The following GALNT9 variants were observed in gnomAD, a reference collection of about 807,000 sequenced individuals.
GALNT9 encodes the protein GalNAc transferase 9.
In GALNT9, 47 loss-of-function variants were observed where a neutral mutation model predicts 63.1. The observed-to-expected ratio is 0.75, with a 90% CI of 0.59 to 0.95. The LOEUF (loss-of-function observed/expected upper bound fraction) is 0.95. Among genes scored for constraint, GALNT9 ranks in the 40% least tolerant of loss-of-function variants. The pLI, the probability that GALNT9 is intolerant of heterozygous loss-of-function variation, is 0.00. For missense variants in GALNT9, 829 were observed against 874.8 expected, an observed-to-expected ratio of 0.95 and a Z score of 0.66; for synonymous variants, 396 against 365.7, an observed-to-expected ratio of 1.08 and a Z score of -0.94.
At position 132,257,761 on chromosome 12, in the gene GALNT9, C is replaced by CAGTTG; in HGVS notation, c.882_886dup (p.Trp296SerfsTer31). ...GATGATGTACATGCACCAGAGGCCC[C>CAGTTG]AGTTGTAGCCATGGGCGGCGTTCGC... On this transcript the variant is annotated frameshift_variant, in exon 5 of 11. Transcript: ENST00000328957. LOFTEE classifies it high-confidence loss of function. The CAGTTG allele has an allele frequency of 6.4e-7, 1 of 1,550,558 alleles. No individual in the cohort carries two copies. Among genetic ancestry groups the CAGTTG allele is most frequent in the Non-Finnish European group, 8.7e-7 (1 of 1,146,840 alleles).
At chr12:132,312,058 C>T (rs1881834027) in intron 1 of GALNT9, among the ~76,000 whole-genome samples, 1 of 152,224 alleles carries the variant, frequency 6.6e-6, no homozygotes, top group African/African-American at 2.4e-5. Context: ...CAGCTAATTT[C>T]ATTACAGACT....
chr12:132,314,107 A>G (rs1428335003), intron 1 of GALNT9, among the ~76,000 whole-genome samples: 2 of 51,712 alleles, frequency 3.9e-5, no homozygotes, highest in Admixed American at 5.2e-4. Context: ...CCACCCACCC[A>G]TCCATCCACC....
At chr12:132,268,858 C>T (rs969583329) in intron 2 of GALNT9, among the ~76,000 whole-genome samples, 8 of 152,236 alleles carry the variant, frequency 5.3e-5, no homozygotes, top group African/African-American at 7.2e-5. Flanking sequence ...GAAAGGCTGA[C>T]GTGCAGCCGA....
chr12:132,299,171 C>T (rs1264020998), intron 1 of GALNT9, among the ~76,000 whole-genome samples: 38 of 134,348 alleles, frequency 2.8e-4, no homozygotes, highest in East Asian at 1.3e-3. Flanking sequence ...ACCTAACCCA[C>T]CCCTGAGATA....
intron 6 of GALNT9, among the ~76,000 whole-genome samples, chr12:132,226,144 A>C (rs1593072169): frequency 1.4e-5 from 2 of 141,694 alleles, no homozygotes; most frequent in African/African-American, 2.7e-5. Context: ...GTACATACAC[A>C]CCCCACACAT....
rs554597801 is a variant in GALNT9, at chr12:132,253,381, C to A, written c.959+4308G>T. Among the ~76,000 whole-genome samples the A allele has an allele frequency of 3.7e-3, 560 of 151,980 alleles. 3 individuals are homozygous for A. The highest frequency in any genetic ancestry group is 5.8e-3 in the Non-Finnish European group (392 of 67,954). On this transcript the variant is annotated intron_variant, in intron 5 of 10. Coordinates refer to ENST00000328957, the MANE Select transcript of GALNT9 (RefSeq NM_001122636.2). ...GTCTGCTAAGTAACAGGTGCCTTCC[C>A]AGACACTGGCGTTACCGCTTGACCA...
rs780166221 is a variant in GALNT9, at chr12:132,246,054, C to T, written c.1077+1856G>A. ...GGCCTCGGCTTTCTTAGGCCCCTGA[C>T]TGCTGGCCTGGTCTCCTGCCCCACA... On this transcript the variant is annotated intron_variant, in intron 6 of 10. Coordinates refer to ENST00000328957, the MANE Select transcript of GALNT9 (RefSeq NM_001122636.2). This position sits in a 1 kb window ranked among gnomAD's most constrained non-coding sequence, Gnocchi z 4.7. Among the ~76,000 whole-genome samples, 5 of 152,248 alleles carry T rather than the reference C, an allele frequency of 3.3e-5. No individual in the cohort carries two copies. The highest frequency in any genetic ancestry group is 5.9e-5 in the Non-Finnish European group (4 of 68,040).
chr12:132,210,598 T>G (rs1452143012), intron 6 of GALNT9, among the ~76,000 whole-genome samples: 1 of 152,128 alleles, frequency 6.6e-6, no homozygotes, highest in African/African-American at 2.4e-5. Context: ...TGGGGTTAAC[T>G]GGCGGTGAGA....
At chr12:132,287,163 C>G (rs1880632324) in intron 1 of GALNT9, among the ~76,000 whole-genome samples, 1 of 150,776 alleles carries the variant, frequency 6.6e-6, no homozygotes, top group Non-Finnish European at 1.5e-5. Context: ...GCCAGCCCCC[C>G]GTGAGCCACG....
rs533351948 is a variant in GALNT9 at position 132,319,759 on chromosome 12, T to G, written c.238+9207A>C. On this transcript the variant is annotated intron_variant, in intron 1 of 10. Coordinates refer to ENST00000328957, the MANE Select transcript of GALNT9 (RefSeq NM_001122636.2). The surrounding 1 kb of genome is among the most constrained non-coding windows in gnomAD (Gnocchi z 5.2). Reference sequence around the variant, plus strand: ...GGTCACCTCAGGTCGCCTCGGGTGCTCCTCCCGCAGCCCCACGTAGACAGA... The same window carrying G: ...GGTCACCTCAGGTCGCCTCGGGTGCGCCTCCCGCAGCCCCACGTAGACAGA... Among the ~76,000 whole-genome samples the G allele has an allele frequency of 6.6e-6, 1 of 152,134 alleles. No individual in the cohort carries two copies. The highest frequency in any genetic ancestry group is 2.1e-4 in the South Asian group (1 of 4,812).
chr12:132,294,289 C>T (rs1441196485), intron 1 of GALNT9, among the ~76,000 whole-genome samples: 1 of 152,186 alleles, frequency 6.6e-6, no homozygotes, highest in African/African-American at 2.4e-5. Context: ...CCCCCACAGC[C>T]CCCAGCCTGT....
At chr12:132,287,215 G>A (rs893055681) in intron 1 of GALNT9, among the ~76,000 whole-genome samples, 18 of 152,224 alleles carry the variant, frequency 1.2e-4, no homozygotes, top group African/African-American at 3.4e-4. Flanking sequence ...TTGGCTCATC[G>A]ACAGTGACAC....
rs1387323782 is a variant in GALNT9, at chr12:132,238,278, G to A, written c.1077+9632C>T. 6.6e-6 allele frequency among the ~76,000 whole-genome samples: 1 copy of A among 152,030 alleles called. No homozygotes were observed. The highest frequency in any genetic ancestry group is 2.1e-4 in the South Asian group (1 of 4,806). ...GGCCGGCTGCTGGGTCCCTCACGGC[G>A]GAGACCGAGGACTCCCCTTTGCAGG... is the stretch of plus-strand genomic sequence containing the variant. On this transcript the variant is annotated intron_variant, in intron 6 of 10. Transcript: ENST00000328957. The surrounding 1 kb of genome is among the most constrained non-coding windows in gnomAD (Gnocchi z 6.5).
At chr12:132,291,318 A>G (rs372520104) in intron 1 of GALNT9, among the ~76,000 whole-genome samples, 516 of 46,842 alleles carry the variant, frequency 0.011, no homozygotes, top group Admixed American at 0.02. Flanking sequence ...CATCCACAGC[A>G]CCCACATCCA....
intron 1 of GALNT9, among the ~76,000 whole-genome samples, chr12:132,307,059 G>A (rs1593118555): frequency 1.3e-5 from 2 of 152,054 alleles, no homozygotes; most frequent in African/African-American, 2.4e-5. Context: ...CCGCTTCCCA[G>A]CCACCTCCTC....
At chr12:132,328,713 T>G (rs1869150912) in intron 1 of GALNT9, among the ~76,000 whole-genome samples, 1 of 152,146 alleles carries the variant, frequency 6.6e-6, no homozygotes, top group Admixed American at 6.5e-5. Flanking sequence ...GGAGAGCAAG[T>G]TTGCGTCATT....
At chr12:132,289,382 C>T (rs1421626769) in intron 1 of GALNT9, among the ~76,000 whole-genome samples, 1 of 152,250 alleles carries the variant, frequency 6.6e-6, no homozygotes, top group East Asian at 1.9e-4. Context: ...AAAGAGGCTT[C>T]TTGCTCTCCA....
chr12:132,329,041 C>A lies in GALNT9; in HGVS notation c.163G>T (p.Gly55Cys), dbSNP rs1432358385. The A allele has an allele frequency of 1.3e-6, 2 of 1,545,982 alleles. No homozygotes were observed. Among genetic ancestry groups the A allele is most frequent in the African/African-American group, 2.7e-5 (2 of 72,988 alleles). ...RRVRSRHAKV[G>C]TLGDREAILQ... Reference sequence around the variant, plus strand: ...ATGGCCTCACGGTCCCCCAGCGTGCCCACCTTGGCGTGTCGGCTGCGCACC... The same window carrying A: ...ATGGCCTCACGGTCCCCCAGCGTGCACACCTTGGCGTGTCGGCTGCGCACC... The change falls in exon 1 of 11, where the codon GGC (glycine) becomes TGC (cysteine). Residue 55 changes from glycine to cysteine, a missense_variant. By Grantham distance (159) the Gly-to-Cys change is radical (BLOSUM62 -3). Transcript: ENST00000328957.
chr12:132,217,382 C>T (rs1231918849), intron 6 of GALNT9, among the ~76,000 whole-genome samples: 3 of 151,176 alleles, frequency 2.0e-5, no homozygotes, highest in African/African-American at 7.3e-5. Flanking sequence ...CTCATTCACC[C>T]ACCTAGCCAC....
Sources: allele counts gnomAD v4.1 joint callset (sites outside exome capture counted in the v4.1 genomes callset), GRCh38; gene constraint gnomAD v4.1.1; non-coding constraint Gnocchi (gnomAD v3.1); transcripts MANE v1.5; gene names NCBI Gene and HGNC (gene_info 2026-07-23, HGNC 2026-07-21).